Variants in ZNF454 observed in about 807,000 individuals in gnomAD.
The protein encoded by ZNF454 is zinc finger protein 454.
In ZNF454, 30 loss-of-function variants were observed where a neutral mutation model predicts 48.2. The observed-to-expected ratio is 0.62, with a 90% CI of 0.47 to 0.84. The LOEUF is 0.84. Among genes scored for constraint, ZNF454 ranks in the 40% least tolerant of loss-of-function variants. The pLI is 0.00. For synonymous variants in ZNF454, 204 were observed against 211.4 expected (o/e 0.97, Z 0.30); for missense variants, 510 against 623.1 (o/e 0.82, Z 1.93).
At chr5:178,982,671 C>A in the ZNF454 span, 2 of 370,652 alleles carry the variant, frequency 5.4e-6, no homozygotes, top group African/African-American at 2.5e-5. Flanking sequence ...GAGGCAATAT[C>A]TCTCAAAGAA....
At chr5:178,981,834 C>T in the ZNF454 span, 11,680 of 1,612,124 alleles carry the variant, frequency 7.2e-3, 634 homozygotes, top group East Asian at 0.16. This position sits in a 1 kb window ranked among gnomAD's most constrained non-coding sequence, Gnocchi z 5.1. Context: ...ACACGGTTAG[C>T]GTGGTTGTCT....
chr5:178,959,838 C>T (rs1316660225), intron 4 of ZNF454, among the ~76,000 whole-genome samples: 1 of 151,958 alleles, frequency 6.6e-6, no homozygotes, highest in East Asian at 2.0e-4. Context: ...ATCTCCTGAC[C>T]TCGTGATCCA....
At chr5:178,956,031 C>T (rs900424307) in intron 4 of ZNF454, among the ~76,000 whole-genome samples, 1 of 152,188 alleles carries the variant, frequency 6.6e-6, no homozygotes, top group Non-Finnish European at 1.5e-5. Context: ...CTCTCAGGAA[C>T]CACTGTCCTC....
At chr5:178,986,299 G>A in the ZNF454 span, 8 of 1,613,940 alleles carry the variant, frequency 5.0e-6, no homozygotes, top group South Asian at 6.6e-5. Context: ...GAGCCTGCGG[G>A]CGGCACAGAC....
At chr5:178,967,396 A>G (rs934694998), downstream of ZNF454, among the ~76,000 whole-genome samples, 2 of 152,190 alleles carry the variant, frequency 1.3e-5, no homozygotes, top group Non-Finnish European at 2.9e-5. Context: ...ATTAGAGTAC[A>G]TTTACTACTC....
downstream of ZNF454, among the ~76,000 whole-genome samples, chr5:178,967,990 C>T (rs1315406681): frequency 1.3e-5 from 2 of 152,158 alleles, no homozygotes; most frequent in African/African-American, 2.4e-5. Context: ...CCGCCCACCT[C>T]GGCCTCCCCA....
chr5:178,989,195 C>A, the ZNF454 span: 1 of 1,555,804 alleles, frequency 6.4e-7, no homozygotes, highest in Non-Finnish European at 8.7e-7. Context: ...CCCGGCCTCC[C>A]GCCTTCCCCC....
downstream of ZNF454, among the ~76,000 whole-genome samples, chr5:178,967,747 T>TTC (rs1760186505): frequency 5.2e-5 from 3 of 57,968 alleles, no homozygotes; most frequent in South Asian, 1.5e-3. Flanking sequence ...TTTTTCTTTT[T>TTC]TTTTTTTTTT....
intron 4 of ZNF454, among the ~76,000 whole-genome samples, chr5:178,955,649 A>C (rs1759718555): frequency 6.6e-6 from 1 of 152,156 alleles, no homozygotes; most frequent in Non-Finnish European, 1.5e-5. Context: ...TTTCCTTATA[A>C]CATCTCTGTC....
At chr5:178,988,352 G>A in the ZNF454 span, among the ~76,000 whole-genome samples, 282 of 152,324 alleles carry the variant, frequency 1.9e-3, no homozygotes, top group African/African-American at 6.4e-3. The surrounding 1 kb of genome is among the most constrained non-coding windows in gnomAD (Gnocchi z 6.0). Flanking sequence ...GTGAGTGAGT[G>A]TTCAGTGGAA....
chr5:178,945,821 A>C (rs924876271), intron 2 of ZNF454, among the ~76,000 whole-genome samples: 1 of 151,920 alleles, frequency 6.6e-6, no homozygotes, highest in African/African-American at 2.4e-5. Context: ...GATGCAGGGA[A>C]GGCCAAGAGA....
At chr5:178,975,414 G>A in the ZNF454 span, among the ~76,000 whole-genome samples, 6 of 152,178 alleles carry the variant, frequency 3.9e-5, no homozygotes, top group Non-Finnish European at 8.8e-5. Flanking sequence ...CACAGAAGAT[G>A]TTTCAAGAGT....
At chr5:178,983,452 G>A in the ZNF454 span, 10 of 694,030 alleles carry the variant, frequency 1.4e-5, no homozygotes, top group South Asian at 7.5e-5. Flanking sequence ...TGGCAGCTGC[G>A]GAGAAGGGCT....
rs939642487 is a variant in ZNF454, at chr5:178,944,586, C to T, written c.33+1762C>T. On this transcript the variant is annotated intron_variant, in intron 2 of 4. Transcript: ENST00000519564. The surrounding 1 kb of genome is among the most constrained non-coding windows in gnomAD (Gnocchi z 4.1). ...GGGCCAAGTCTCTGGGTGCAGGTAA[C>T]GGAAACCTAATTCAGACTGCCTCAG... Among the ~76,000 whole-genome samples, 2 of 152,278 alleles carry T rather than the reference C, an allele frequency of 1.3e-5. No individual in the cohort carries two copies. The highest frequency in any genetic ancestry group is 2.1e-4 in the South Asian group (1 of 4,820).
At chr5:178,968,019 A>G (rs1760191252), downstream of ZNF454, among the ~76,000 whole-genome samples, 1 of 151,726 alleles carries the variant, frequency 6.6e-6, no homozygotes, top group South Asian at 2.1e-4. Context: ...GATTACAGGC[A>G]TGAGCCACCG....
chr5:178,978,940 T>C, the ZNF454 span: 63,186 of 151,974 alleles, frequency 0.42, 13,702 homozygotes, highest in East Asian at 0.59. Flanking sequence ...GCTGTCAACC[T>C]CCACTGAACA....
chr5:178,977,894 C>G, the ZNF454 span, among the ~76,000 whole-genome samples: 1 of 152,134 alleles, frequency 6.6e-6, no homozygotes, highest in African/African-American at 2.4e-5. Context: ...CAGATCCAGT[C>G]CTTTTACTAA....
At chr5:178,955,122 C>T (rs1292614647) in intron 4 of ZNF454, among the ~76,000 whole-genome samples, 3 of 152,304 alleles carry the variant, frequency 2.0e-5, no homozygotes, top group Non-Finnish European at 2.9e-5. Flanking sequence ...TGTTTAACTC[C>T]GTAATAAACT....
In ZNF454 at chr5:178,966,288, C is replaced by A. The variant is rs1760152868; in HGVS notation, c.*315C>A. 5.5e-6 allele frequency: 1 copy of A among 181,616 alleles called. No individual in the cohort carries two copies. Among genetic ancestry groups the A allele is most frequent in the African/African-American group, 2.4e-5 (1 of 42,260 alleles). 11.3% of individuals were successfully genotyped at this position (181,616 alleles called of 1,614,324 possible). On this transcript the variant is annotated 3_prime_UTR_variant, in exon 5 of 5. Coordinates refer to ENST00000519564, the MANE Select transcript of ZNF454 (RefSeq NM_001178089.3). Reference sequence around the variant, plus strand: ...TCGCTACTAAAAATATAAAAAATTACCCGGGCATGGTGGTGGGCGCCTGTA... The same window carrying A: ...TCGCTACTAAAAATATAAAAAATTAACCGGGCATGGTGGTGGGCGCCTGTA...
Sources: allele counts gnomAD v4.1 joint callset (sites outside exome capture counted in the v4.1 genomes callset), GRCh38; gene constraint gnomAD v4.1.1; non-coding constraint Gnocchi (gnomAD v3.1); transcripts MANE v1.5; gene names NCBI Gene and HGNC (gene_info 2026-07-23, HGNC 2026-07-21).